MBD5: variants seen among roughly 807,000 people sequenced by gnomAD.
The protein encoded by MBD5 is methyl-CpG binding domain protein 5, also known as methyl-CpG-binding domain protein 5.
MBD5 carries 13 observed loss-of-function variants against 117.3 expected under a neutral mutation model. The observed-to-expected ratio is 0.11, with a 90% confidence interval of 0.07 to 0.18. MBD5 has a LOEUF of 0.18. MBD5 is among the 10% of genes least tolerant of loss of function. The pLI is 1.00. For missense variants in MBD5, 1,879 were observed against 2,093.8 expected, an observed-to-expected ratio of 0.90 and a Z score of 2.00; for synonymous variants, 727 against 766.4, an observed-to-expected ratio of 0.95 and a Z score of 0.85.
chr2:148,467,427 G>A (rs1356583029), intron 7 of MBD5, among the ~76,000 whole-genome samples: 1 of 152,018 alleles, frequency 6.6e-6, no homozygotes, highest in African/African-American at 2.4e-5. Context: ...AAGAGAATAT[G>A]CAATTGGAGC....
At chr2:148,282,522 ATGT>A (rs1701271150) in intron 3 of MBD5, among the ~76,000 whole-genome samples, 1 of 141,610 alleles carries the variant, frequency 7.1e-6, no homozygotes, top group African/African-American at 2.5e-5. Context: ...TCAAAAACTC[ATGT>A]TGTTCAAGGT....
chr2:148,339,821 T>C (rs1487640132), intron 3 of MBD5, among the ~76,000 whole-genome samples: 1 of 152,212 alleles, frequency 6.6e-6, no homozygotes, highest in Admixed American at 6.5e-5. Context: ...TGTTAATCTA[T>C]ATAAACATTA....
chr2:148,466,223 T>A (rs1707255011), intron 7 of MBD5, among the ~76,000 whole-genome samples: 1 of 152,144 alleles, frequency 6.6e-6, no homozygotes, highest in Non-Finnish European at 1.5e-5. Context: ...AAGCATCTGT[T>A]TCTGTTTATT....
chr2:148,324,091 A>T (rs2106587945), intron 3 of MBD5, among the ~76,000 whole-genome samples: 1 of 152,288 alleles, frequency 6.6e-6, no homozygotes, highest in South Asian at 2.1e-4. Flanking sequence ...ACCATTTATT[A>T]AATAGGGAAT....
chr2:148,140,988 T>C (rs1697299235), intron 1 of MBD5, among the ~76,000 whole-genome samples: 1 of 151,884 alleles, frequency 6.6e-6, no homozygotes, highest in Non-Finnish European at 1.5e-5. Context: ...CCCAGGCTGT[T>C]CTCGAACTCC....
intron 11 of MBD5, among the ~76,000 whole-genome samples, chr2:148,492,322 A>C (rs912482225): frequency 1.3e-5 from 2 of 152,062 alleles, no homozygotes; most frequent in South Asian, 4.1e-4. Context: ...TAGGAAACAT[A>C]AAACTGTTGC....
intron 2 of MBD5, among the ~76,000 whole-genome samples, chr2:148,185,561 C>A (rs1447026096): frequency 6.6e-6 from 1 of 152,100 alleles, no homozygotes; most frequent in Admixed American, 6.5e-5. Flanking sequence ...GATACATAGT[C>A]ATGGAATAAA....
Position 148,288,399 on chromosome 2 carries a change from C to CAAAAA in MBD5, c.-679-53804_-679-53800dup, listed in dbSNP as rs569673565. 4.0e-4 allele frequency among the ~76,000 whole-genome samples: 15 copies of CAAAAA among 37,794 alleles called. 2 individuals carry two copies. In the East Asian group the frequency reaches 0.013, roughly 32 times the overall value. The allele number at this position is 37,794 out of a possible 152,430, so 24.8% of individuals were successfully genotyped here. ...TGGGCGACAGAGCGAGACTCCGTCTCAAAAAAAAAAAAAAAGTGATTTCTT... is the reference window on the plus strand; with the variant it reads ...TGGGCGACAGAGCGAGACTCCGTCTCAAAAAAAAAAAAAAAAAAAAGTGATTTCTT... On this transcript the variant is annotated intron_variant, in intron 3 of 13. Transcript: ENST00000642680.
chr2:148,144,687 C>G (rs898550774), intron 1 of MBD5, among the ~76,000 whole-genome samples: 10 of 152,176 alleles, frequency 6.6e-5, no homozygotes, highest in African/African-American at 2.2e-4. Context: ...TTTCCCAGCA[C>G]CATTTATTAA....
chr2:148,482,970 T>C, intron 8 of MBD5, 140 bp from the exon 9 acceptor site: 2 of 904,736 alleles, frequency 2.2e-6, no homozygotes, highest in South Asian at 1.6e-5. Context: ...GTGATCTGAT[T>C]ACAATTAATC....
At chr2:148,285,877 A>G (rs1701357338) in intron 3 of MBD5, among the ~76,000 whole-genome samples, 2 of 152,170 alleles carry the variant, frequency 1.3e-5, no homozygotes, top group South Asian at 4.1e-4. Flanking sequence ...ATTACATTTT[A>G]TATACATTAA....
intron 3 of MBD5, among the ~76,000 whole-genome samples, chr2:148,256,612 C>T (rs1700596398): frequency 6.6e-6 from 1 of 152,238 alleles, no homozygotes; most frequent in African/African-American, 2.4e-5. Flanking sequence ...CTAAGTTCAG[C>T]CCATTGGCTA....
intron 1 of MBD5, among the ~76,000 whole-genome samples, chr2:148,102,825 C>G (rs1242554068): frequency 6.7e-6 from 1 of 150,184 alleles, no homozygotes; most frequent in Non-Finnish European, 1.5e-5. Context: ...CAGTAGAAGA[C>G]TTAGGAAAGC....
intron 1 of MBD5, among the ~76,000 whole-genome samples, chr2:148,106,437 A>G (rs1054471113): frequency 3.3e-5 from 5 of 151,850 alleles, no homozygotes; most frequent in East Asian, 1.9e-4. Context: ...ATCTTTTTCT[A>G]CTTTATACTT....
At chr2:148,364,031 G>C (rs1038363961) in intron 4 of MBD5, among the ~76,000 whole-genome samples, 3 of 152,124 alleles carry the variant, frequency 2.0e-5, no homozygotes, top group Non-Finnish European at 2.9e-5. Context: ...AGCAACCCAA[G>C]ACACATAATC....
At chr2:148,359,456 C>A (rs1703473327) in intron 4 of MBD5, among the ~76,000 whole-genome samples, 1 of 152,014 alleles carries the variant, frequency 6.6e-6, no homozygotes, top group Non-Finnish European at 1.5e-5. Context: ...ATAGTAAATT[C>A]TCTAATATCA....
chr2:148,137,375 A>G (rs1697194898), intron 1 of MBD5, among the ~76,000 whole-genome samples: 1 of 152,098 alleles, frequency 6.6e-6, no homozygotes, highest in South Asian at 2.1e-4. Context: ...GCTGCTGTCT[A>G]TACTATCCTT....
At chr2:148,378,002 T>G (rs534106379) in intron 4 of MBD5, among the ~76,000 whole-genome samples, 23 of 152,162 alleles carry the variant, frequency 1.5e-4, no homozygotes, top group Non-Finnish European at 2.4e-4. Flanking sequence ...TCCCCCTTTA[T>G]AGAAATTAGC....
At chr2:148,473,112 T>G (rs1359288183) in intron 8 of MBD5, among the ~76,000 whole-genome samples, 2 of 152,162 alleles carry the variant, frequency 1.3e-5, no homozygotes, top group East Asian at 3.8e-4. Context: ...TAAATCACAT[T>G]AATGCATGTT....
Sources: allele counts gnomAD v4.1 joint callset (sites outside exome capture counted in the v4.1 genomes callset), GRCh38; gene constraint gnomAD v4.1.1; transcripts MANE v1.5; gene names NCBI Gene and HGNC (gene_info 2026-07-23, HGNC 2026-07-21).